The following EBF3 variants were observed in gnomAD, a reference collection of about 807,000 sequenced individuals.
The protein encoded by EBF3 is transcription factor COE3.
EBF3 carries 18 observed loss-of-function variants against 77.1 expected under a neutral mutation model. That is an observed-to-expected ratio of 0.23 (90% CI 0.16 to 0.35). EBF3 has a LOEUF of 0.35. Among genes scored for constraint, EBF3 ranks in the 10% least tolerant of loss-of-function variants. The probability of loss-of-function intolerance (pLI) is 1.00; values close to 1 mark genes in which losing one functional copy is unlikely to be tolerated. For synonymous variants in EBF3, 350 were observed against 343.5 expected (o/e 1.02, Z -0.21); for missense variants, 558 against 860.0 (o/e 0.65, Z 4.39).
At chr10:129,902,721 C>T (rs942070449) in intron 6 of EBF3, among the ~76,000 whole-genome samples, 1 of 152,154 alleles carries the variant, frequency 6.6e-6, no homozygotes. Flanking sequence ...GTGTAACTAA[C>T]TGTACGAAAA....
At chr10:129,860,512 C>T (rs142926318) in intron 10 of EBF3, among the ~76,000 whole-genome samples, 438 of 152,334 alleles carry the variant, frequency 2.9e-3, no homozygotes, top group Non-Finnish European at 4.3e-3. Context: ...GATTTATCAG[C>T]TCATTTCTCC....
intron 10 of EBF3, among the ~76,000 whole-genome samples, chr10:129,852,068 G>A (rs962653528): frequency 7.2e-5 from 11 of 152,154 alleles, no homozygotes; most frequent in Non-Finnish European, 1.5e-4. Flanking sequence ...GCAAGCAGTC[G>A]GGCAGCCTGT....
At chr10:129,936,695 G>A (rs1440330182) in intron 6 of EBF3, among the ~76,000 whole-genome samples, 1 of 147,630 alleles carries the variant, frequency 6.8e-6, no homozygotes, top group Non-Finnish European at 1.5e-5. Context: ...GGAACTAGGA[G>A]CTGTGGGGGG....
In EBF3 at chr10:129,861,329, A is replaced by G. The variant is rs1851619737; in HGVS notation, c.1039+5812T>C. ...GATGCACGCCACCCCACTTGGTACGAAAAAAAAAGTCACCCTTTGCCATCC... is the reference window on the plus strand; with the variant it reads ...GATGCACGCCACCCCACTTGGTACGGAAAAAAAAGTCACCCTTTGCCATCC... On this transcript the variant is annotated intron_variant, in intron 10 of 16. Coordinates refer to ENST00000440978, the MANE Select transcript of EBF3 (RefSeq NM_001375380.1). The surrounding 1 kb of genome is among the most constrained non-coding windows in gnomAD (Gnocchi z 4.3). Among the ~76,000 whole-genome samples the G allele has an allele frequency of 7.2e-6, 1 of 138,934 alleles. No individual in the cohort carries two copies. Among genetic ancestry groups the G allele is most frequent in the Non-Finnish European group, 1.5e-5 (1 of 67,654 alleles). The allele number at this position is 138,934 out of a possible 152,430, so 91.1% of individuals were successfully genotyped here.
chr10:129,949,505 G>C (rs1162664188), intron 6 of EBF3, among the ~76,000 whole-genome samples: 1 of 152,186 alleles, frequency 6.6e-6, no homozygotes, highest in Admixed American at 6.5e-5. Flanking sequence ...TGGGACTCGT[G>C]GGGGAACGTG....
chr10:129,877,739 C>CG (rs1422850608), intron 7 of EBF3, 29 bp downstream of exon 7: 2 of 1,589,432 alleles, frequency 1.3e-6, no homozygotes, highest in Non-Finnish European at 1.7e-6. Flanking sequence ...GTCAGGACCA[C>CG]GGTCCACGTG....
At chr10:129,844,195 C>CCGGTCTAGGAGAGCTCTG (rs575404115) in intron 11 of EBF3, among the ~76,000 whole-genome samples, 1 of 152,144 alleles carries the variant, frequency 6.6e-6, no homozygotes. Flanking sequence ...GACCCCAGGC[C>CCGGTCTAGGAGAGCTCTG]CGGTCTAGGA....
chr10:129,845,924 TCTG>T (rs1163854765), intron 11 of EBF3: 2 of 122,530 alleles, frequency 1.6e-5, no homozygotes, highest in African/African-American at 3.2e-5. Flanking sequence ...ATTTGTTTTT[TCTG>T]CTTTCATTTT....
intron 9 of EBF3, 147 bp downstream of exon 9, chr10:129,867,635 G>T (rs1324370182): frequency 2.2e-6 from 3 of 1,387,440 alleles, no homozygotes; most frequent in Non-Finnish European, 2.9e-6. Context: ...CCACCCACGG[G>T]AGAAGCTGCT....
At chr10:129,902,177 G>A (rs773862378) in intron 6 of EBF3, among the ~76,000 whole-genome samples, 1 of 151,486 alleles carries the variant, frequency 6.6e-6, no homozygotes. Flanking sequence ...AACGCAGCTA[G>A]TTAGTTGTCC....
rs764984035 is a variant in EBF3, at chr10:129,870,204, T to C, written c.782-2292A>G. Among the ~76,000 whole-genome samples, 4 of 152,172 alleles carry C rather than the reference T, an allele frequency of 2.6e-5. No individual in the cohort carries two copies. Among genetic ancestry groups the C allele is most frequent in the Non-Finnish European group, 5.9e-5 (4 of 68,042 alleles). On this transcript the variant is annotated intron_variant, in intron 8 of 16. Transcript: ENST00000440978. This position sits in a 1 kb window ranked among gnomAD's most constrained non-coding sequence, Gnocchi z 4.4. ...CAGTGATAGCCATCTTCCTTCTGCC[T>C]GTATTTGCATACATTTCAGTGCACA...
chr10:129,881,285 C>A (rs1270651786), intron 6 of EBF3, among the ~76,000 whole-genome samples: 1 of 152,182 alleles, frequency 6.6e-6, no homozygotes, highest in African/African-American at 2.4e-5. Context: ...TACAGTGTGT[C>A]TCTCGTTGCA....
At chr10:129,950,153 C>G (rs1858562582) in intron 6 of EBF3, among the ~76,000 whole-genome samples, 2 of 152,168 alleles carry the variant, frequency 1.3e-5, no homozygotes, top group South Asian at 2.1e-4. Flanking sequence ...GGAGCCGACT[C>G]CTTCCGTTCG....
chr10:129,932,807 G>C (rs527684646), intron 6 of EBF3, among the ~76,000 whole-genome samples: 1 of 152,028 alleles, frequency 6.6e-6, no homozygotes. Flanking sequence ...GCCGAGCTTC[G>C]GAACAATTAA....
chr10:129,859,000 G>A (rs978922714), intron 10 of EBF3, among the ~76,000 whole-genome samples: 7 of 152,156 alleles, frequency 4.6e-5, no homozygotes, highest in Admixed American at 2.6e-4. Flanking sequence ...TTAAAATTTC[G>A]CACGCTCCGT....
At chr10:129,869,118 A>T (rs1852235119) in intron 8 of EBF3, among the ~76,000 whole-genome samples, 1 of 152,174 alleles carries the variant, frequency 6.6e-6, no homozygotes, top group African/African-American at 2.4e-5. Context: ...AAATGGCGGG[A>T]GGCCCAGGCC....
At chr10:129,853,113 G>A (rs375232246) in intron 10 of EBF3, among the ~76,000 whole-genome samples, 4 of 152,342 alleles carry the variant, frequency 2.6e-5, no homozygotes, top group South Asian at 2.1e-4. Flanking sequence ...CCAGCGAGCA[G>A]TGTGCGCCGC....
Position 129,944,927 on chromosome 10 carries a change from G to A in EBF3, c.554+12331C>T. Among the ~76,000 whole-genome samples the A allele has an allele frequency of 6.6e-6, 1 of 150,984 alleles. No individual in the cohort carries two copies. Among genetic ancestry groups the A allele is most frequent in the Non-Finnish European group, 1.5e-5 (1 of 67,870 alleles). On this transcript the variant is annotated intron_variant, in intron 6 of 16. Transcript: ENST00000440978. The surrounding 1 kb of genome is among the most constrained non-coding windows in gnomAD (Gnocchi z 5.1). The stretch of plus-strand genomic sequence containing the variant: ...CTTGATTTTTTAAAAGAAAAACACT[G>A]TCTGAAGTTTAGAATAAACTGTACT...
chr10:129,854,478 A>T (rs2134006565), intron 10 of EBF3, among the ~76,000 whole-genome samples: 1 of 150,902 alleles, frequency 6.6e-6, no homozygotes, highest in African/African-American at 2.5e-5. Flanking sequence ...ATTAATTTTT[A>T]GTCTATTTCA....
Sources: gnomAD v4.1 joint callset for allele counts (sites outside exome capture counted in the v4.1 genomes callset) on GRCh38, gnomAD v4.1.1 for gene constraint, Gnocchi (gnomAD v3.1) non-coding constraint, MANE v1.5 for transcripts, NCBI Gene and HGNC (gene_info 2026-07-23, HGNC 2026-07-21) for gene names.